The following WDR49 variants were observed in gnomAD, a reference collection of about 807,000 sequenced individuals.
WDR49 encodes WD repeat domain 49, also known as cilia- and flagella-associated protein 337.
Under a neutral mutation model 119.5 loss-of-function variants are expected in WDR49, and 107 were observed. The observed-to-expected ratio is 0.90, with a 90% CI of 0.77 to 1.05. The LOEUF is 1.05. Among genes scored for constraint, WDR49 ranks in the 50% least tolerant of loss-of-function variants. The probability of loss-of-function intolerance (pLI) is 0.00; values close to 1 mark genes in which losing one functional copy is unlikely to be tolerated. For missense variants in WDR49, 1,240 were observed against 1,220.5 expected, an observed-to-expected ratio of 1.02 and a Z score of -0.24; for synonymous variants, 425 against 418.8, an observed-to-expected ratio of 1.01 and a Z score of -0.18.
intron 8 of WDR49, among the ~76,000 whole-genome samples, chr3:167,563,544 A>T (rs932431911): frequency 1.3e-5 from 2 of 152,154 alleles, no homozygotes; most frequent in Non-Finnish European, 2.9e-5. Flanking sequence ...AGAAAAGGTT[A>T]AAGATTGTGC....
chr3:167,590,483 T>C (rs1368718173), intron 7 of WDR49, among the ~76,000 whole-genome samples: 11 of 152,074 alleles, frequency 7.2e-5, no homozygotes, highest in Admixed American at 6.6e-4. Flanking sequence ...TTGGTACCAG[T>C]TCTTCTTTTA....
chr3:167,508,773 T>C (rs1560257357), intron 16 of WDR49, among the ~76,000 whole-genome samples: 1 of 152,214 alleles, frequency 6.6e-6, no homozygotes, highest in African/African-American at 2.4e-5. Context: ...ATAGGATAGT[T>C]ATTGCCAGAT....
intron 8 of WDR49, among the ~76,000 whole-genome samples, chr3:167,569,139 T>TA (rs1321764115): frequency 6.6e-6 from 1 of 152,110 alleles, no homozygotes; most frequent in Non-Finnish European, 1.5e-5. Context: ...AGATGGGGTT[T>TA]TACCATGTTG....
intron 7 of WDR49, among the ~76,000 whole-genome samples, chr3:167,590,768 T>G (rs570164020): frequency 6.6e-6 from 1 of 152,140 alleles, no homozygotes; most frequent in African/African-American, 2.4e-5. Flanking sequence ...CATCTGTACT[T>G]TTATATTTTA....
intron 15 of WDR49, among the ~76,000 whole-genome samples, chr3:167,524,128 T>C (rs1752553240): frequency 6.6e-6 from 1 of 152,206 alleles, no homozygotes; most frequent in Non-Finnish European, 1.5e-5. Context: ...GGTTTTGATA[T>C]GCATTTCTCT....
At chr3:167,501,078 G>A (rs1751543451) in intron 17 of WDR49, among the ~76,000 whole-genome samples, 1 of 152,188 alleles carries the variant, frequency 6.6e-6, no homozygotes, top group South Asian at 2.1e-4. Flanking sequence ...AACATAGACT[G>A]CTATGTGACC....
chr3:167,529,290 A>T, intron 13 of WDR49, 51 bp from the exon 14 acceptor site: 1 of 1,481,998 alleles, frequency 6.7e-7, no homozygotes, highest in South Asian at 1.4e-5. Context: ...CAAATGCCAG[A>T]AATAACTTCT....
intron 7 of WDR49, among the ~76,000 whole-genome samples, chr3:167,595,217 G>A (rs1249753571): frequency 6.6e-6 from 1 of 152,158 alleles, no homozygotes; most frequent in Non-Finnish European, 1.5e-5. Flanking sequence ...CAAAATAAAA[G>A]AGGATACAAA....
intron 8 of WDR49, among the ~76,000 whole-genome samples, chr3:167,575,599 G>A (rs1714206079): frequency 6.6e-6 from 1 of 152,160 alleles, no homozygotes; most frequent in African/African-American, 2.4e-5. Context: ...TTACAAGCAG[G>A]TTCACTTGCA....
intron 16 of WDR49, among the ~76,000 whole-genome samples, chr3:167,521,485 T>C (rs927464117): frequency 6.6e-6 from 1 of 152,204 alleles, no homozygotes; most frequent in Non-Finnish European, 1.5e-5. Context: ...CAGTTCTCTC[T>C]GGTGTTTCAC....
intron 17 of WDR49, among the ~76,000 whole-genome samples, chr3:167,504,901 C>G (rs1481043515): frequency 6.6e-6 from 1 of 152,158 alleles, no homozygotes; most frequent in East Asian, 1.9e-4. Context: ...CCCACTCCCT[C>G]TTGCTCCTGC....
chr3:167,637,575 G>A (rs1316783550), intron 2 of WDR49, among the ~76,000 whole-genome samples: 2 of 151,644 alleles, frequency 1.3e-5, no homozygotes, highest in African/African-American at 2.4e-5. Flanking sequence ...TTTGTAGATT[G>A]CTTTTGGCAG....
intron 16 of WDR49, among the ~76,000 whole-genome samples, chr3:167,508,089 T>C (rs1172414003): frequency 6.6e-6 from 1 of 152,160 alleles, no homozygotes; most frequent in South Asian, 2.1e-4. Context: ...CTAACTAATC[T>C]CACTTCTCTT....
At chr3:167,550,401 G>A (rs1044665253) in intron 10 of WDR49, among the ~76,000 whole-genome samples, 4 of 152,010 alleles carry the variant, frequency 2.6e-5, no homozygotes, top group South Asian at 2.1e-4. Flanking sequence ...CCTTGAAGAG[G>A]TCCTTCACAT....
At chr3:167,592,437 CTTTTTT>C (rs372398450) in intron 7 of WDR49, among the ~76,000 whole-genome samples, 4 of 133,350 alleles carry the variant, frequency 3.0e-5, no homozygotes, top group Admixed American at 2.2e-4. Context: ...TTTTCTTTTT[CTTTTTT>C]TTTTTTTTTT....
intron 10 of WDR49, among the ~76,000 whole-genome samples, chr3:167,545,654 C>G (rs1239714357): frequency 6.7e-6 from 1 of 150,044 alleles, no homozygotes; most frequent in Non-Finnish European, 1.5e-5. Context: ...TAAGTGGAAG[C>G]TAAGCTATGA....
chr3:167,592,939 T>C (rs1173217174), intron 7 of WDR49, among the ~76,000 whole-genome samples: 3 of 152,204 alleles, frequency 2.0e-5, no homozygotes, highest in Admixed American at 2.0e-4. Flanking sequence ...TCTCCTGGCC[T>C]GTAAGATTTC....
chr3:167,587,616 G>A (rs1206334100), intron 7 of WDR49, among the ~76,000 whole-genome samples: 1 of 152,052 alleles, frequency 6.6e-6, no homozygotes, highest in Admixed American at 6.5e-5. Flanking sequence ...CTTTCGGGTA[G>A]CTGGGACTAC....
intron 6 of WDR49, 55 bp downstream of exon 6, chr3:167,604,246 T>C (rs1262993581): frequency 1.9e-6 from 3 of 1,588,908 alleles, no homozygotes; most frequent in Admixed American, 1.7e-5. Flanking sequence ...CATACAAATA[T>C]ACATCCCAGA....
Sources: gnomAD v4.1 joint callset for allele counts (sites outside exome capture counted in the v4.1 genomes callset) on GRCh38, gnomAD v4.1.1 for gene constraint, MANE v1.5 for transcripts, NCBI Gene and HGNC (gene_info 2026-07-23, HGNC 2026-07-21) for gene names.